PIGG: variants seen among roughly 807,000 people sequenced by gnomAD.
PIGG encodes the protein GPI ethanolamine phosphate transferase 2, catalytic subunit.
Under a neutral mutation model 83.2 loss-of-function variants are expected in PIGG, and 70 were observed. The ratio of observed to expected loss-of-function variants is 0.84; its 90% CI spans 0.69 to 1.03. The LOEUF is 1.03. PIGG is among the 50% of genes least tolerant of loss of function. PIGG has a pLI of 0.00. For synonymous variants in PIGG, 532 were observed against 519.5 expected (o/e 1.02, Z -0.33); for missense variants, 1,257 against 1,233.6 (o/e 1.02, Z -0.28).
intron 12 of PIGG, among the ~76,000 whole-genome samples, chr4:534,634 G>T (rs142245933): frequency 7.9e-5 from 12 of 152,330 alleles, no homozygotes; most frequent in African/African-American, 2.6e-4. Context: ...GGTCCACCTC[G>T]TTCCCTCCAG....
chr4:523,521 G>A lies in PIGG; in HGVS notation c.1677G>A (p.Ala559=), dbSNP rs373558080. Residue 559 remains alanine (A), a synonymous_variant, in exon 9 of 13, where the codon GCG becomes GCA. Transcript: ENST00000453061. ...ACCTTCTTATTCTGTTGGGGACGGCGGGCCACGTCTTGAGCCTGGGCGCCA... is the reference window on the plus strand; with the variant it reads ...ACCTTCTTATTCTGTTGGGGACGGCAGGCCACGTCTTGAGCCTGGGCGCCA... ...ELDLLILLGT[A]GHVLSLGASS... is the part of the protein sequence containing the mutation. 45 of 1,614,038 alleles carry A rather than the reference G, an allele frequency of 2.8e-5. No individual in the cohort carries two copies. Among genetic ancestry groups the A allele is most frequent in the Non-Finnish European group, 3.3e-5 (39 of 1,180,030 alleles).
chr4:525,904 T>A (rs1380873001), intron 9 of PIGG: 1 of 152,186 alleles, frequency 6.6e-6, no homozygotes, highest in Non-Finnish European at 1.5e-5. Flanking sequence ...CGGGGTGGGA[T>A]CCCAGGCATG....
chr4:533,613 G>T lies in PIGG; in HGVS notation c.2572-205G>T, dbSNP rs113674606. 456 of 592,216 alleles carry T rather than the reference G, an allele frequency of 7.7e-4. 2 individuals carry two copies. Among genetic ancestry groups the T allele is most frequent in the African/African-American group, 7.7e-3 (414 of 53,818 alleles). The allele number at this position is 592,216 out of a possible 1,614,324, so 36.7% of individuals were successfully genotyped here. ...TCCGCAGCCTGGGCACTGCAGGCAG[G>T]GGGAGGGGGTGCCACCTAGGCAAGG... On this transcript the variant is annotated intron_variant, in intron 11 of 12. Transcript: ENST00000453061.
chr4:519,416 G>A (rs1725046165), intron 6 of PIGG, among the ~76,000 whole-genome samples: 1 of 152,250 alleles, frequency 6.6e-6, no homozygotes, highest in Admixed American at 6.5e-5. Flanking sequence ...GCGGTGGGGT[G>A]TGGACACAGG....
In PIGG at chr4:515,746, C is replaced by A. The variant is rs550570577; in HGVS notation, c.902-227C>A. On this transcript the variant is annotated intron_variant, in intron 5 of 12. Transcript: ENST00000453061. The surrounding 1 kb of genome is among the most constrained non-coding windows in gnomAD (Gnocchi z 4.2). ...GAATTCCTCACATGAGCCTCTCTCG[C>A]AGCCTGTTGCAGGCTACTGAAGGAA... Among the ~76,000 whole-genome samples, 3 of 152,250 alleles carry A rather than the reference C, an allele frequency of 2.0e-5. No homozygotes were observed. The South Asian group carries it at 6.2e-4, about 32-fold the overall frequency.
At chr4:537,007 G>A (rs1730823837) in intron 12 of PIGG, 1 of 152,150 alleles carries the variant, frequency 6.6e-6, no homozygotes, top group Non-Finnish European at 1.5e-5. Flanking sequence ...GTGTTTGGGA[G>A]GGAAAAAGAC....
chr4:533,925 A>G lies in PIGG; in HGVS notation c.2679A>G (p.Ala893=), dbSNP rs943899243. The G allele has an allele frequency of 1.9e-6, 3 of 1,614,180 alleles. No individual in the cohort carries two copies. The highest frequency in any genetic ancestry group is 2.5e-6 in the Non-Finnish European group (3 of 1,180,020). Residue 893 remains alanine, a synonymous_variant, in exon 12 of 13, where the codon GCA becomes GCG. Coordinates refer to ENST00000453061, the MANE Select transcript of PIGG (RefSeq NM_001127178.3). The part of the protein sequence containing the change: ...AVLLTAFGTY[A]GPVLWASHLV... ...TCCTGACAGCGTTTGGGACGTACGC[A>G]GGGCCTGTGCTGTGGGCCAGCCACT...
rs1277593560 is a variant in PIGG at position 501,220 on chromosome 4, GAT to G, written c.360+621_360+622del. 4 of 450,492 alleles carry G rather than the reference GAT, an allele frequency of 8.9e-6. No homozygotes were observed. The Admixed American group carries it at 9.7e-5, about 11-fold the overall frequency. 27.9% of individuals were successfully genotyped at this position (450,492 alleles called of 1,614,324 possible). ...AACTTTTGAGCAACGACTATGTGGT[GAT>G]ACTTCAATGGGTATGCAATTGGGGA... is the stretch of plus-strand genomic sequence containing the variant. On this transcript the variant is annotated intron_variant, in intron 2 of 12. Transcript: ENST00000453061.
intron 12 of PIGG, 97 bp downstream of exon 12, chr4:534,078 T>C: frequency 3.0e-6 from 3 of 1,013,280 alleles, no homozygotes; most frequent in Non-Finnish European, 4.5e-6. Context: ...CTAAGCTCCA[T>C]GGGTCCAACA....
Position 539,239 on chromosome 4 carries a change from T to C in PIGG, c.2822T>C (p.Leu941Pro). 3.1e-6 allele frequency: 5 copies of C among 1,612,274 alleles called. No individual in the cohort carries two copies. The highest frequency in any genetic ancestry group is 3.4e-6 in the Non-Finnish European group (4 of 1,178,230). The change falls in exon 13 of 13, where the codon CTG becomes CCG. Residue 941 changes from leucine (L) to proline (P), a missense_variant. Physicochemically the swap from Leu to Pro is moderately conservative, Grantham distance 98. Coordinates refer to ENST00000453061, the MANE Select transcript of PIGG (RefSeq NM_001127178.3). The part of the protein sequence containing the change: ...VFTYIVLVTS[L>P]RYHLFIWSVF... The stretch of plus-strand genomic sequence containing the variant: ...ACGTACATCGTTTTGGTGACATCTC[T>C]GCGTTATCATTTATTTATATGGAGT...
intron 5 of PIGG, 76 bp downstream of exon 5, chr4:509,046 CCT>C: frequency 7.5e-7 from 1 of 1,332,384 alleles, no homozygotes; most frequent in Non-Finnish European, 1.0e-6. Flanking sequence ...ATTTTGAAAA[CCT>C]ATTTTTTAGA....
chr4:512,500 C>T (rs868915185), intron 5 of PIGG, among the ~76,000 whole-genome samples: 3 of 152,010 alleles, frequency 2.0e-5, no homozygotes, highest in Middle Eastern at 3.4e-3. Flanking sequence ...TTTTTAACAC[C>T]AGAGTTTCAT....
rs1175515888 is a variant in PIGG at position 507,549 on chromosome 4, A to T, written c.715A>T (p.Met239Leu). 6.2e-7 allele frequency: 1 copy of T among 1,614,144 alleles called. No homozygotes were observed. Among genetic ancestry groups the T allele is most frequent in the South Asian group, 1.1e-5 (1 of 91,074 alleles). Residue 239 changes from methionine (M) to leucine (L), a missense_variant, in exon 4 of 13, where the codon ATG becomes TTG. By Grantham distance (15) the Met-to-Leu change is conservative (BLOSUM62 2). Transcript: ENST00000453061. ...SPLIGQKLSEMDSVLMKIHTS... is the reference protein window; with the variant it reads ...SPLIGQKLSELDSVLMKIHTS... ...CCTGATTGGGCAGAAGCTGAGCGAG[A>T]TGGACAGCGTGCTGATGAAGATCCA...
At chr4:536,895 T>C (rs969380322) in intron 12 of PIGG, 2 of 152,218 alleles carry the variant, frequency 1.3e-5, no homozygotes, top group African/African-American at 4.8e-5. Context: ...CCGGCTCCTC[T>C]CTCTGTAGGT....
chr4:500,853 A>G (rs1057293649), intron 2 of PIGG, among the ~76,000 whole-genome samples: 1 of 152,252 alleles, frequency 6.6e-6, no homozygotes, highest in Non-Finnish European at 1.5e-5. Context: ...AAGATCATCC[A>G]GGCTAACCTA....
rs901720524 is a variant in PIGG at position 520,533 on chromosome 4, C to T, written c.1115-523C>T. On this transcript the variant is annotated intron_variant, in intron 6 of 12. Transcript: ENST00000453061. The stretch of plus-strand genomic sequence containing the variant: ...GTAACCCAGGCTGCAGAACGGGGGA[C>T]GTTAGAGGTCGGGAAGGGCCAGTCT... Among the ~76,000 whole-genome samples the T allele has an allele frequency of 3.3e-5, 5 of 152,088 alleles. No homozygotes were observed. The South Asian group carries it at 6.2e-4, about 19-fold the overall frequency.
At chr4:518,518 G>A (rs771467594) in intron 6 of PIGG, among the ~76,000 whole-genome samples, 17 of 152,182 alleles carry the variant, frequency 1.1e-4, no homozygotes, top group Admixed American at 2.6e-4. Context: ...GTGTGAACCC[G>A]GGAGGCGGAG....
chr4:534,712 G>A (rs966540464), intron 12 of PIGG, among the ~76,000 whole-genome samples: 1 of 152,168 alleles, frequency 6.6e-6, no homozygotes, highest in Non-Finnish European at 1.5e-5. Context: ...TTCCACCGGG[G>A]GGACCCCAGA....
intron 12 of PIGG, chr4:536,835 C>G (rs1464765414): frequency 6.6e-6 from 1 of 152,322 alleles, no homozygotes; most frequent in Non-Finnish European, 1.5e-5. Flanking sequence ...GTTGGGTGGA[C>G]GGCACACCTC....
Sources: gnomAD v4.1 joint callset for allele counts (sites outside exome capture counted in the v4.1 genomes callset) on GRCh38, gnomAD v4.1.1 for gene constraint, Gnocchi (gnomAD v3.1) non-coding constraint, MANE v1.5 for transcripts, NCBI Gene and HGNC (gene_info 2026-07-23, HGNC 2026-07-21) for gene names.